Variants in HEPH observed in about 807,000 individuals in gnomAD.
HEPH encodes the protein hephaestin.
A neutral mutation model predicts 80.8 loss-of-function variants in HEPH; 69 were observed. The ratio of observed to expected loss-of-function variants is 0.85; its 90% confidence interval spans 0.70 to 1.04. HEPH has a LOEUF of 1.04. Ranked by LOEUF, HEPH falls within the 50% of genes least tolerant of loss-of-function variation. The probability of loss-of-function intolerance (pLI) is 0.00; values close to 1 mark genes in which losing one functional copy is unlikely to be tolerated. For synonymous variants in HEPH, 431 were observed against 322.8 expected, an observed-to-expected ratio of 1.34 and a Z score of -3.60; for missense variants, 1,115 against 891.3, an observed-to-expected ratio of 1.25 and a Z score of -3.20.
At chrX:66,245,289 A>G (rs1384306647) in intron 15 of HEPH, among the ~76,000 whole-genome samples, 2 of 111,403 alleles carry the variant, frequency 1.8e-5, no homozygotes, top group African/African-American at 6.5e-5. Context: ...AGGAAGATCT[A>G]CCAAGCAAAT....
At chrX:66,262,360 T>G (rs1010986153) in intron 19 of HEPH, among the ~76,000 whole-genome samples, 21 of 110,923 alleles carry the variant, frequency 1.9e-4, no homozygotes, top group Non-Finnish European at 3.0e-4. Flanking sequence ...GACCAGGGGG[T>G]TTGACAGACT....
chrX:66,176,896 C>T (rs1036445895), intron 4 of HEPH, among the ~76,000 whole-genome samples: 3 of 111,527 alleles, frequency 2.7e-5, no homozygotes, highest in Non-Finnish European at 5.6e-5. Flanking sequence ...CCATTCAGGA[C>T]ATAGGCATGG....
intron 15 of HEPH, among the ~76,000 whole-genome samples, chrX:66,246,560 T>C (rs1047194007): frequency 9.0e-6 from 1 of 110,848 alleles, no homozygotes; most frequent in Non-Finnish European, 1.9e-5. Flanking sequence ...ATCCAGGTGG[T>C]CCTCTGCCTC....
chrX:66,266,648 C>T lies in HEPH; in HGVS notation c.3453C>T (p.Phe1151=). The change falls in exon 21 of 21, where the codon TTC becomes TTT. Residue 1151 remains phenylalanine, a synonymous_variant. Coordinates refer to ENST00000343002, the MANE Select transcript of HEPH (RefSeq NM_001367233.3). ...RNRRSILDDS[F]KLLSFKQ is the part of the protein sequence containing the mutation. ...GGAGGTCCATCCTGGATGACAGCTT[C>T]AAGCTTCTGTCTTTCAAACAGTAAC... is the stretch of plus-strand genomic sequence containing the variant. 2 of 1,204,405 alleles carry T rather than the reference C, an allele frequency of 1.7e-6. No homozygotes were observed. Among genetic ancestry groups the T allele is most frequent in the Non-Finnish European group, 2.2e-6 (2 of 889,674 alleles).
intron 9 of HEPH, among the ~76,000 whole-genome samples, chrX:66,196,278 A>T (rs552734157): frequency 9.0e-6 from 1 of 111,698 alleles, no homozygotes; most frequent in Non-Finnish European, 1.9e-5. Context: ...CAAAAACTGT[A>T]TGTATGTGTG....
rs1020543283 is a variant in HEPH at position 66,193,658 on chromosome X, T to G, written c.1369+20T>G. 1 of 1,149,481 alleles carries G rather than the reference T, an allele frequency of 8.7e-7. No homozygotes were observed. Among genetic ancestry groups the G allele is most frequent in the Non-Finnish European group, 1.2e-6 (1 of 852,210 alleles). 94.7% of individuals were successfully genotyped at this position (1,149,481 alleles called of 1,213,427 possible). On this transcript the variant is annotated intron_variant, in intron 8 of 20. Coordinates refer to ENST00000343002, the MANE Select transcript of HEPH (RefSeq NM_001367233.3). ...TCCTGGGTGAGGAATTTTTAAATTA[T>G]GAAATTCATTTACTAGAGCCAGAGA...
At chrX:66,202,104 G>T (rs1009056496) in intron 12 of HEPH, among the ~76,000 whole-genome samples, 14 of 111,901 alleles carry the variant, frequency 1.3e-4, no homozygotes, top group Non-Finnish European at 2.6e-4. Context: ...AAATAGTCAG[G>T]GAGGGCTTTC....
intron 10 of HEPH, 129 bp downstream of exon 10, chrX:66,198,023 A>G: frequency 1.8e-6 from 1 of 541,903 alleles, no homozygotes; most frequent in South Asian, 3.0e-5. Context: ...AAGCTGGTCC[A>G]TCAGAAATTA....
At chrX:66,235,188 C>T (rs1469694356) in intron 15 of HEPH, among the ~76,000 whole-genome samples, 2 of 111,681 alleles carry the variant, frequency 1.8e-5, no homozygotes, top group African/African-American at 6.5e-5. Flanking sequence ...TGTGTAGAAA[C>T]TCTTTAGTTT....
At chrX:66,180,084 G>C (rs182061137) in intron 4 of HEPH, among the ~76,000 whole-genome samples, 1 of 111,138 alleles carries the variant, frequency 9.0e-6, no homozygotes, top group Admixed American at 9.6e-5. Flanking sequence ...TTCAATGTTA[G>C]TATTGAGATA....
chrX:66,250,553 G>T (rs771325572), intron 15 of HEPH, among the ~76,000 whole-genome samples: 39 of 110,918 alleles, frequency 3.5e-4, no homozygotes, highest in Non-Finnish European at 6.4e-4. Flanking sequence ...AATTCCTATT[G>T]TTACATCTTT....
chrX:66,191,775 A>G (rs1053470738), intron 6 of HEPH, among the ~76,000 whole-genome samples: 1 of 111,895 alleles, frequency 8.9e-6, no homozygotes, highest in African/African-American at 3.3e-5. Flanking sequence ...AGATTGAGGA[A>G]GTGACTTGCC....
chrX:66,246,280 G>A (rs888716549), intron 15 of HEPH, among the ~76,000 whole-genome samples: 4 of 111,997 alleles, frequency 3.6e-5, no homozygotes, highest in Non-Finnish European at 7.5e-5. Context: ...GCTACCAGTG[G>A]CAGGAGTGGG....
intron 15 of HEPH, among the ~76,000 whole-genome samples, chrX:66,219,514 C>T (rs1468245228): frequency 8.9e-6 from 1 of 111,924 alleles, no homozygotes; most frequent in East Asian, 2.8e-4. Flanking sequence ...AGTCAAGGCT[C>T]TGCTGGTCTT....
chrX:66,255,186 CA>C, intron 16 of HEPH, 45 bp downstream of exon 16: 1 of 870,008 alleles, frequency 1.1e-6, no homozygotes, highest in Admixed American at 2.3e-5. Flanking sequence ...AACTCCCTGG[CA>C]AAAAGAAGCT....
At position 66,173,532 on chromosome X, in the gene HEPH, T is replaced by C; in HGVS notation, c.413-57T>C. The stretch of plus-strand genomic sequence containing the variant: ...CATGTCAGCTCTGTCTTAATTTATG[T>C]ATTTGCCACGGTCCCTCACTTATTC... On this transcript the variant is annotated intron_variant, in intron 3 of 20. Coordinates refer to ENST00000343002, the MANE Select transcript of HEPH (RefSeq NM_001367233.3). 4 of 880,408 alleles carry C rather than the reference T, an allele frequency of 4.5e-6. No individual in the cohort carries two copies. In the South Asian group the frequency reaches 9.2e-5, roughly 20 times the overall value. The allele number at this position is 880,408 out of a possible 1,213,427, so 72.6% of individuals were successfully genotyped here.
At chrX:66,226,386 G>A (rs1195563210) in intron 15 of HEPH, among the ~76,000 whole-genome samples, 1 of 111,830 alleles carries the variant, frequency 8.9e-6, no homozygotes, top group Non-Finnish European at 1.9e-5. Flanking sequence ...ATGCCTCAAG[G>A]AACTGGAGAA....
At position 66,256,138 on chromosome X, in the gene HEPH, A is replaced by C; in HGVS notation, c.2704A>C (p.Ile902Leu). The change falls in exon 17 of 21, where the codon ATC becomes CTC. Residue 902 changes from isoleucine (I) to leucine (L), a missense_variant. Physicochemically the swap from Ile to Leu is conservative, Grantham distance 5 (BLOSUM62 2). This residue lies in a region of HEPH where 716 missense variants were observed against 523.5 expected (regional missense o/e 1.37). Coordinates refer to ENST00000343002, the MANE Select transcript of HEPH (RefSeq NM_001367233.3). ...TAGTGGCCTGGTGGGGCCCTTGGCT[A>C]TCTGCCAAAAGGGCATCCTGGAGCC... The part of the protein sequence containing the change: ...MYSGLVGPLA[I>L]CQKGILEPHG... 9 of 1,210,568 alleles carry C rather than the reference A, an allele frequency of 7.4e-6. No individual in the cohort carries two copies. Among genetic ancestry groups the C allele is most frequent in the Non-Finnish European group, 8.9e-6 (8 of 894,577 alleles).
intron 15 of HEPH, among the ~76,000 whole-genome samples, chrX:66,226,266 G>A (rs1158875735): frequency 9.0e-6 from 1 of 111,674 alleles, no homozygotes; most frequent in Non-Finnish European, 1.9e-5. Context: ...GCAGAAATTG[G>A]GCATAAGTCA....
Sources: allele counts gnomAD v4.1 joint callset (sites outside exome capture counted in the v4.1 genomes callset), GRCh38; gene constraint gnomAD v4.1.1; regional missense constraint gnomAD v4.1.1; transcripts MANE v1.5; gene names NCBI Gene and HGNC (gene_info 2026-07-23, HGNC 2026-07-21).